The following GPR176 variants were observed in gnomAD, a reference collection of about 807,000 sequenced individuals.
GPR176 encodes G-protein coupled receptor 176.
A neutral mutation model predicts 35.4 loss-of-function variants in GPR176; 26 were observed. That is an observed-to-expected ratio of 0.74 (90% CI 0.54 to 1.02). GPR176 has a LOEUF of 1.02. Ranked by LOEUF, GPR176 falls within the 50% of genes least tolerant of loss-of-function variation. The probability of loss-of-function intolerance (pLI) is 0.00; values close to 1 mark genes in which losing one functional copy is unlikely to be tolerated. For missense variants in GPR176, 597 were observed against 665.3 expected (o/e 0.90, Z 1.13); for synonymous variants, 278 against 271.3 (o/e 1.02, Z -0.24).
intron 1 of GPR176, among the ~76,000 whole-genome samples, chr15:39,902,363 T>C (rs191763794): frequency 6.6e-6 from 1 of 152,110 alleles, no homozygotes; most frequent in African/African-American, 2.4e-5. Flanking sequence ...ACAAGAAAAA[T>C]GATTTGACAC....
At chr15:39,918,894 T>C (rs1474912533) in intron 1 of GPR176, among the ~76,000 whole-genome samples, 1 of 152,222 alleles carries the variant, frequency 6.6e-6, no homozygotes, top group Non-Finnish European at 1.5e-5. Context: ...CTACAAAAAG[T>C]AACCTATTCC....
Position 39,801,180 on chromosome 15 carries a change from C to T in GPR176, c.1500G>A (p.Lys500=). The T allele has an allele frequency of 1.2e-6, 2 of 1,613,152 alleles. No homozygotes were observed. The highest frequency in any genetic ancestry group is 2.2e-5 in the East Asian group (1 of 44,872). ...KVPKVGRVER[K]MSRNNKVSIF... ...TGCTCACTTTATTGTTTCTGCTCAT[C>T]TTCCGCTCCACCCTGCCTACCTTGG... Residue 500 remains lysine, a synonymous_variant, in exon 3 of 3, where the codon AAG becomes AAA. Transcript: ENST00000561100.
In GPR176 at chr15:39,846,914, TATG is replaced by T. The variant is rs145128179; in HGVS notation, c.173-39659_173-39657del. ...ATTTTTTTCCTCAAGTTTTCTAAAT[TATG>T]TTTAATAAATGAAGCAAAAAATTGT... On this transcript the variant is annotated intron_variant, in intron 1 of 2. Transcript: ENST00000561100. Among the ~76,000 whole-genome samples, 1,106 of 152,272 alleles carry T rather than the reference TATG, an allele frequency of 7.3e-3. 6 individuals are homozygous for T. The highest frequency in any genetic ancestry group is 0.029 in the South Asian group (141 of 4,826).
chr15:39,919,600 A>G (rs986513519), intron 1 of GPR176, among the ~76,000 whole-genome samples: 7 of 151,144 alleles, frequency 4.6e-5, no homozygotes, highest in Admixed American at 3.9e-4. Context: ...GAGGAGGGGG[A>G]CTCCCGCCTG....
Position 39,820,816 on chromosome 15 carries a change from G to A in GPR176, c.173-13558C>T, listed in dbSNP as rs115428260. ...TCCCTCAAGTAAACATGGAGAGAGT[G>A]GAAGAGAAGAGGGCAGAAATAGAGA... On this transcript the variant is annotated intron_variant, in intron 1 of 2. Coordinates refer to ENST00000561100, the MANE Select transcript of GPR176 (RefSeq NM_007223.3). Among the ~76,000 whole-genome samples, 467 of 152,204 alleles carry A rather than the reference G, an allele frequency of 3.1e-3. 5 individuals are homozygous for A. The highest frequency in any genetic ancestry group is 0.011 in the African/African-American group (454 of 41,474).
At chr15:39,860,397 T>G (rs374156403) in intron 1 of GPR176, among the ~76,000 whole-genome samples, 17 of 152,238 alleles carry the variant, frequency 1.1e-4, no homozygotes, top group Admixed American at 3.3e-4. Flanking sequence ...TCTCCATGTC[T>G]CCTGCAAAGG....
At chr15:39,894,925 C>A (rs1017361319) in intron 1 of GPR176, among the ~76,000 whole-genome samples, 2 of 152,170 alleles carry the variant, frequency 1.3e-5, no homozygotes, top group Non-Finnish European at 2.9e-5. Context: ...CGCCACTGCA[C>A]TCCAGCCTGG....
chr15:39,822,543 T>C (rs1270667496), intron 1 of GPR176, among the ~76,000 whole-genome samples: 1 of 152,216 alleles, frequency 6.6e-6, no homozygotes, highest in African/African-American at 2.4e-5. Flanking sequence ...ATAAAAGGCA[T>C]CACAGTAGTT....
chr15:39,823,752 G>A (rs925499782), intron 1 of GPR176, among the ~76,000 whole-genome samples: 2 of 152,194 alleles, frequency 1.3e-5, no homozygotes, highest in Non-Finnish European at 2.9e-5. Context: ...GCTAGACTGT[G>A]AGAATTAGGA....
intron 1 of GPR176, among the ~76,000 whole-genome samples, chr15:39,900,834 TG>T (rs1444208611): frequency 6.6e-6 from 1 of 152,200 alleles, no homozygotes; most frequent in South Asian, 2.1e-4. Flanking sequence ...GTGAAAGTTT[TG>T]TGAATTTTTA....
rs747020273 is a variant in GPR176, at chr15:39,802,233, T to C, written c.447A>G (p.Pro149=). 3.1e-6 allele frequency: 5 copies of C among 1,610,874 alleles called. No individual in the cohort carries two copies. The East Asian group carries it at 1.1e-4, about 36-fold the overall frequency. ...TGGCATCAGATATTTTCCTCTCCAG[T>C]GGATAGAGGACTGAGTAGTACCTGC... ...ALDRYYSVLY[P]LERKISDAKS... Residue 149 remains proline (P), a synonymous_variant, in exon 3 of 3, where the codon CCA becomes CCG. Coordinates refer to ENST00000561100, the MANE Select transcript of GPR176 (RefSeq NM_007223.3).
intron 1 of GPR176, among the ~76,000 whole-genome samples, chr15:39,838,568 C>T (rs894955386): frequency 4.6e-5 from 7 of 152,028 alleles, no homozygotes; most frequent in African/African-American, 1.7e-4. Context: ...ATAAACAGAA[C>T]CAAAGACAAA....
At chr15:39,917,492 C>T (rs746505635) in intron 1 of GPR176, among the ~76,000 whole-genome samples, 2 of 151,194 alleles carry the variant, frequency 1.3e-5, no homozygotes, top group Non-Finnish European at 2.9e-5. Flanking sequence ...CATGCCACCA[C>T]ATGCAGCTAA....
At chr15:39,802,499 A>T (rs1182282023) in intron 2 of GPR176, among the ~76,000 whole-genome samples, 6 of 152,244 alleles carry the variant, frequency 3.9e-5, no homozygotes, top group African/African-American at 1.4e-4. Flanking sequence ...TGTCCTCATG[A>T]GGCTTTACAG....
chr15:39,885,311 A>G (rs138380054), intron 1 of GPR176, among the ~76,000 whole-genome samples: 3 of 152,342 alleles, frequency 2.0e-5, no homozygotes, highest in Non-Finnish European at 4.4e-5. Flanking sequence ...CCAATTCCAC[A>G]TAAGAAATAT....
chr15:39,838,516 T>A (rs574044321), intron 1 of GPR176, among the ~76,000 whole-genome samples: 43 of 152,210 alleles, frequency 2.8e-4, no homozygotes, highest in South Asian at 2.5e-3. Context: ...TAATAGCCCA[T>A]AAGGGTTCAA....
At chr15:39,839,940 T>A (rs1901640840) in intron 1 of GPR176, among the ~76,000 whole-genome samples, 1 of 152,196 alleles carries the variant, frequency 6.6e-6, no homozygotes, top group South Asian at 2.1e-4. Context: ...AGATACTATC[T>A]CACTCCAGTT....
At chr15:39,900,251 A>T (rs1438047264) in intron 1 of GPR176, among the ~76,000 whole-genome samples, 1 of 152,078 alleles carries the variant, frequency 6.6e-6, no homozygotes, top group Non-Finnish European at 1.5e-5. Context: ...GAAGAAGCCT[A>T]ACAGCAGTAA....
chr15:39,918,424 A>AAT (rs1263363579), intron 1 of GPR176, among the ~76,000 whole-genome samples: 2 of 152,168 alleles, frequency 1.3e-5, no homozygotes, highest in South Asian at 2.1e-4. Context: ...GGGAGGGAAA[A>AAT]ATATATATAC....
Sources: allele counts gnomAD v4.1 joint callset (sites outside exome capture counted in the v4.1 genomes callset), GRCh38; gene constraint gnomAD v4.1.1; transcripts MANE v1.5; gene names NCBI Gene and HGNC (gene_info 2026-07-23, HGNC 2026-07-21).